The following PPM1M variants were observed in gnomAD, a reference collection of about 807,000 sequenced individuals.
PPM1M encodes the protein protein phosphatase, Mg2+/Mn2+ dependent 1M, also known as protein phosphatase 1M.
Under a neutral mutation model 50.8 loss-of-function variants are expected in PPM1M, and 44 were observed. That is an observed-to-expected ratio of 0.87 (90% CI 0.68 to 1.11). The LOEUF is 1.11. PPM1M is among the 50% of genes most tolerant of loss of function. The probability of loss-of-function intolerance (pLI) is 0.00; values close to 1 mark genes in which losing one functional copy is unlikely to be tolerated. For synonymous variants in PPM1M, 224 were observed against 242.9 expected, an observed-to-expected ratio of 0.92 and a Z score of 0.72; for missense variants, 556 against 593.4, an observed-to-expected ratio of 0.94 and a Z score of 0.66.
chr3:52,248,142 C>A lies in PPM1M; in HGVS notation c.711-11C>A. On this transcript the variant is annotated splice_polypyrimidine_tract_variant and intron_variant, in intron 4 of 9. Transcript: ENST00000323588. ...CTCCTCCTAGACCTCTCCCTTCTCT[C>A]CTCAATCCAGGGCCATCTTGGTGCG... The A allele has an allele frequency of 6.2e-7, 1 of 1,605,578 alleles. No homozygotes were observed. Among genetic ancestry groups the A allele is most frequent in the South Asian group, 1.1e-5 (1 of 89,188 alleles).
chr3:52,246,316 T>G (rs1577993786), intron 1 of PPM1M: 1 of 1,035,780 alleles, frequency 9.7e-7, no homozygotes, highest in Non-Finnish European at 1.2e-6. Context: ...AGAGACTCGG[T>G]AGAGTTCCAG....
chr3:52,249,799 G>C lies in PPM1M; in HGVS notation c.1365G>C (p.Glu455Asp), dbSNP rs367878605. The C allele has an allele frequency of 8.1e-6, 13 of 1,613,226 alleles. No homozygotes were observed. The highest frequency in any genetic ancestry group is 1.1e-5 in the Non-Finnish European group (13 of 1,179,690). Residue 455 changes from glutamate (E) to aspartate (D), a missense_variant, in exon 10 of 10, where the codon GAG becomes GAC. Physicochemically the swap from Glu to Asp is conservative, Grantham distance 45. Coordinates refer to ENST00000323588, the MANE Select transcript of PPM1M (RefSeq NM_144641.4). Reference sequence around the variant, plus strand: ...TTCCCTTGCACAGTCAGGGCCAAGAGAGCAGTGACCACTGAGGATTCAGAC... The same window carrying C: ...TTCCCTTGCACAGTCAGGGCCAAGACAGCAGTGACCACTGAGGATTCAGAC... ...FVIPLHSQGQESSDH is the reference protein window; with the variant it reads ...FVIPLHSQGQDSSDH
In PPM1M at chr3:52,250,040, A is replaced by G; in HGVS notation, c.*226A>G. 2 of 505,314 alleles carry G rather than the reference A, an allele frequency of 4.0e-6. No individual in the cohort carries two copies. The highest frequency in any genetic ancestry group is 3.0e-5 in the South Asian group (1 of 33,864). 31.3% of individuals were successfully genotyped at this position (505,314 alleles called of 1,614,324 possible). On this transcript the variant is annotated 3_prime_UTR_variant, in exon 10 of 10. Coordinates refer to ENST00000323588, the MANE Select transcript of PPM1M (RefSeq NM_144641.4). ...CCACCAGGTCCTGCCTTTTGCGGTG[A>G]TAACCTTCTCTGGCAGAGTGACTTT...
At position 52,246,031 on chromosome 3, in the gene PPM1M, G is replaced by T. The variant is rs927449697; in HGVS notation, c.207G>T (p.Trp69Cys). ...RSPARGRTLP[W>C]NAGYAEIINA... Reference sequence around the variant, plus strand: ...CCGCACGAGGACGCACGCTACCCTGGAATGCAGGCTACGCCGAGTGAGTGC... The same window carrying T: ...CCGCACGAGGACGCACGCTACCCTGTAATGCAGGCTACGCCGAGTGAGTGC... Residue 69 changes from tryptophan (W) to cysteine (C), a missense_variant, in exon 1 of 10, where the codon TGG becomes TGT. By Grantham distance (215) the Trp-to-Cys change is radical (BLOSUM62 -2). Coordinates refer to ENST00000323588, the MANE Select transcript of PPM1M (RefSeq NM_144641.4). 1.7e-5 allele frequency: 21 copies of T among 1,215,230 alleles called. No homozygotes were observed. The African/African-American group carries it at 3.5e-4, about 20-fold the overall frequency. The allele number at this position is 1,215,230 out of a possible 1,614,324, so 75.3% of individuals were successfully genotyped here.
chr3:52,248,585 A>G lies in PPM1M; in HGVS notation c.915-52A>G, dbSNP rs1249163663. The G allele has an allele frequency of 2.5e-6, 4 of 1,606,290 alleles. No homozygotes were observed. In the South Asian group the frequency reaches 4.4e-5, roughly 18 times the overall value. ...TGACAGCTGGGCCCTGAGTTGGGGA[A>G]AGATGAGATGGGGCACAGGGCTTGG... On this transcript the variant is annotated intron_variant, in intron 6 of 9. Transcript: ENST00000323588.
In PPM1M at chr3:52,249,755, G is replaced by A. The variant is rs370389757; in HGVS notation, c.1321G>A (p.Asp441Asn). The change falls in exon 10 of 10, where the codon GAC becomes AAC. Residue 441 changes from aspartate (D) to asparagine (N), a missense_variant. Transcript: ENST00000323588. The part of the protein sequence containing the change: ...LTEEGQVSYD[D>N]VSVFVIPLHS... ...AGAGGAAGGGCAGGTGTCCTACGAT[G>A]ACGTCTCTGTGTTCGTGATTCCCTT... The A allele has an allele frequency of 6.2e-7, 1 of 1,613,862 alleles. No homozygotes were observed. Among genetic ancestry groups the A allele is most frequent in the African/African-American group, 1.3e-5 (1 of 74,946 alleles).
intron 6 of PPM1M, 32 bp downstream of exon 6, chr3:52,248,485 A>T (rs777987691): frequency 4.4e-6 from 7 of 1,602,222 alleles, no homozygotes; most frequent in African/African-American, 2.7e-5. Flanking sequence ...GTAGGAAGGG[A>T]GACCCCTGGG....
intron 7 of PPM1M, 118 bp downstream of exon 7, chr3:52,248,818 C>G (rs1462434388): frequency 7.5e-7 from 1 of 1,336,524 alleles, no homozygotes; most frequent in East Asian, 2.3e-5. Context: ...TGCTCTGAGA[C>G]TAGGAATTTT....
Position 52,246,144 on chromosome 3 carries a change from C to T in PPM1M, c.224+96C>T. The stretch of plus-strand genomic sequence containing the variant: ...AAAGCGGGAGGAGCTGAGTGACAGT[C>T]CCCACCCACCTGTGGACAGCCCCTT... On this transcript the variant is annotated intron_variant, in intron 1 of 9. Transcript: ENST00000323588. 3.8e-6 allele frequency: 4 copies of T among 1,039,674 alleles called. No individual in the cohort carries two copies. In the South Asian group the frequency reaches 7.9e-5, roughly 20 times the overall value. The allele number at this position is 1,039,674 out of a possible 1,614,324, so 64.4% of individuals were successfully genotyped here. A position where few individuals can be genotyped will look rare whatever the true frequency, so the allele number is the denominator to read the frequency against.
intron 2 of PPM1M, 68 bp downstream of exon 2, chr3:52,246,880 G>T: frequency 2.7e-6 from 4 of 1,503,718 alleles, no homozygotes; most frequent in Non-Finnish European, 3.6e-6. Context: ...GCAGGCTGAG[G>T]TTCTTACCCT....
chr3:52,249,611 G>GTT, intron 9 of PPM1M, 59 bp from the exon 10 acceptor site: 1 of 1,605,582 alleles, frequency 6.2e-7, no homozygotes, highest in Non-Finnish European at 8.5e-7. Flanking sequence ...GTTCTCCTAA[G>GTT]GTCTGGCCTT....
Position 52,248,374 on chromosome 3 carries a change from C to G in PPM1M, c.835C>G (p.Arg279Gly), listed in dbSNP as rs1037547656. Reference protein sequence around the residue: ...YPELLAGEFTRLEFPRRLKGD... With the variant: ...YPELLAGEFTGLEFPRRLKGD... ...TGAGCTTCTGGCTGGTGAGTTCACC[C>G]GACTGGAGTTCCCTCGGCGGCTGAA... is the stretch of plus-strand genomic sequence containing the variant. The change falls in exon 6 of 10, where the codon CGA becomes GGA. Residue 279 changes from arginine (R) to glycine (G), a missense_variant. Arg to Gly is a moderately radical substitution (Grantham distance 125). Coordinates refer to ENST00000323588, the MANE Select transcript of PPM1M (RefSeq NM_144641.4). 1.2e-6 allele frequency: 2 copies of G among 1,613,550 alleles called. No homozygotes were observed. Among genetic ancestry groups the G allele is most frequent in the East Asian group, 2.2e-5 (1 of 44,848 alleles).
At chr3:52,246,473 C>A in intron 1 of PPM1M, 2 of 680,832 alleles carry the variant, frequency 2.9e-6, no homozygotes, top group East Asian at 6.8e-5. Context: ...CCCTGGGTCA[C>A]CAGGTAGGCT....
intron 4 of PPM1M, 39 bp downstream of exon 4, chr3:52,247,833 G>A (rs771936703): frequency 2.7e-6 from 3 of 1,105,902 alleles, no homozygotes; most frequent in Non-Finnish European, 2.7e-6. Flanking sequence ...GGTGGGATGG[G>A]GAGGGCATAA....
rs1381698161 is a variant in PPM1M, at chr3:52,249,302, G to C, written c.1215G>C (p.Gly405=). ...VAWLVRSFLP[G]NQEDPHRFSK... The stretch of plus-strand genomic sequence containing the variant: ...GGCTGGTGCGGAGCTTCCTCCCTGG[G>C]AACCAAGAGGACCCACACAGGTACT... Residue 405 remains glycine, a synonymous_variant, in exon 9 of 10, where the codon GGG becomes GGC. Coordinates refer to ENST00000323588, the MANE Select transcript of PPM1M (RefSeq NM_144641.4). 3 of 1,605,404 alleles carry C rather than the reference G, an allele frequency of 1.9e-6. No individual in the cohort carries two copies. The highest frequency in any genetic ancestry group is 1.3e-5 in the African/African-American group (1 of 74,768).
intron 6 of PPM1M, 21 bp downstream of exon 6, chr3:52,248,474 G>A: frequency 6.2e-7 from 1 of 1,606,050 alleles, no homozygotes; most frequent in South Asian, 1.1e-5. Context: ...ATGGGGGACA[G>A]GTAGGAAGGG....
rs1699920011 is a variant in PPM1M, at chr3:52,249,262, A to G, written c.1175A>G (p.Asn392Ser). 6.2e-7 allele frequency: 1 copy of G among 1,613,684 alleles called. No homozygotes were observed. Among genetic ancestry groups the G allele is most frequent in the African/African-American group, 1.3e-5 (1 of 74,940 alleles). ...GATGGACTCTGGGATGTACTGTCCA[A>G]CGAGCAGGTGGCATGGCTGGTGCGG... ...ATDGLWDVLS[N>S]EQVAWLVRSF... Residue 392 changes from asparagine to serine, a missense_variant, in exon 9 of 10, where the codon AAC becomes AGC. Physicochemically the swap from Asn to Ser is conservative, Grantham distance 46. Coordinates refer to ENST00000323588, the MANE Select transcript of PPM1M (RefSeq NM_144641.4).
chr3:52,249,623 C>G, intron 9 of PPM1M, 47 bp from the exon 10 acceptor site: 1 of 1,609,024 alleles, frequency 6.2e-7, no homozygotes, highest in Non-Finnish European at 8.5e-7. Flanking sequence ...TCTGGCCTTG[C>G]CCCTTTGCTC....
At chr3:52,248,560 T>C (rs1453689581) in intron 6 of PPM1M, 77 bp from the exon 7 acceptor site, 4 of 1,593,888 alleles carry the variant, frequency 2.5e-6, no homozygotes, top group Middle Eastern at 1.7e-4. Flanking sequence ...TGTGAGGGTG[T>C]GACAGCTGGG....
Sources: allele counts gnomAD v4.1 joint callset, GRCh38; gene constraint gnomAD v4.1.1; transcripts MANE v1.5; gene names NCBI Gene and HGNC (gene_info 2026-07-23, HGNC 2026-07-21).